NCKAP5: variants seen among roughly 807,000 people sequenced by gnomAD.
NCKAP5 encodes the protein nck-associated protein 5.
Under a neutral mutation model 167.0 loss-of-function variants are expected in NCKAP5, and 92 were observed. The observed-to-expected ratio is 0.55, with a 90% CI of 0.47 to 0.66. NCKAP5 has a LOEUF of 0.66. Among genes scored for constraint, NCKAP5 ranks in the 30% least tolerant of loss-of-function variants. NCKAP5 has a pLI of 0.00. For missense variants in NCKAP5, 2,378 were observed against 2,315.0 expected (o/e 1.03, Z -0.56); for synonymous variants, 891 against 877.4 (o/e 1.02, Z -0.27).
chr2:133,564,247 C>G (rs1169873332), intron 1 of NCKAP5, among the ~76,000 whole-genome samples: 1 of 152,172 alleles, frequency 6.6e-6, no homozygotes, highest in Non-Finnish European at 1.5e-5. Context: ...TTTGCTTGGA[C>G]AATGAATACA....
At chr2:133,218,164 T>G (rs2086511853) in intron 4 of NCKAP5, among the ~76,000 whole-genome samples, 1 of 152,110 alleles carries the variant, frequency 6.6e-6, no homozygotes, top group Admixed American at 6.6e-5. Context: ...TTAAAATATT[T>G]ATTAAATCAC....
At chr2:133,637,928 T>C in the NCKAP5 span, among the ~76,000 whole-genome samples, 1 of 152,064 alleles carries the variant, frequency 6.6e-6, no homozygotes, top group African/African-American at 2.4e-5. Context: ...CATAGCAACA[T>C]TACAGGTCAC....
intron 8 of NCKAP5, among the ~76,000 whole-genome samples, chr2:132,945,310 T>C (rs1363120061): frequency 1.3e-5 from 2 of 151,848 alleles, no homozygotes; most frequent in East Asian, 3.9e-4. Context: ...GGTGGGGAAA[T>C]GATCATAAGC....
chr2:133,113,599 CAG>C (rs2081984223), intron 6 of NCKAP5, among the ~76,000 whole-genome samples: 1 of 152,232 alleles, frequency 6.6e-6, no homozygotes, highest in African/African-American at 2.4e-5. Context: ...TATGCCCATG[CAG>C]AGTCTGTGCC....
At chr2:132,692,666 G>T (rs531864834) in intron 19 of NCKAP5, among the ~76,000 whole-genome samples, 16 of 151,894 alleles carry the variant, frequency 1.1e-4, no homozygotes, top group Non-Finnish European at 2.1e-4. Context: ...GTGGCACCAA[G>T]AAATAGTTGT....
chr2:132,688,774 C>T (rs1686310153), intron 19 of NCKAP5, among the ~76,000 whole-genome samples: 1 of 151,782 alleles, frequency 6.6e-6, no homozygotes, highest in East Asian at 1.9e-4. Flanking sequence ...TCGTTTCAGA[C>T]CAGGAGTTCG....
chr2:133,098,073 A>T (rs2081397131), intron 6 of NCKAP5, among the ~76,000 whole-genome samples: 1 of 152,240 alleles, frequency 6.6e-6, no homozygotes, highest in Non-Finnish European at 1.5e-5. Context: ...CCTCAAAGCA[A>T]ATATGCAGAA....
intron 3 of NCKAP5, among the ~76,000 whole-genome samples, chr2:133,305,380 A>G (rs1345322926): frequency 6.6e-6 from 1 of 152,208 alleles, no homozygotes; most frequent in Non-Finnish European, 1.5e-5. Context: ...AGAGGGATAA[A>G]TAATGCTTCA....
At chr2:133,129,908 C>T in intron 6 of NCKAP5, 70 bp downstream of exon 6, 1 of 1,453,878 alleles carries the variant, frequency 6.9e-7, no homozygotes, top group South Asian at 1.5e-5. Flanking sequence ...AATGGACATT[C>T]AATCCAAGGT....
chr2:133,646,860 G>A, the NCKAP5 span, among the ~76,000 whole-genome samples: 2 of 152,060 alleles, frequency 1.3e-5, no homozygotes, highest in Non-Finnish European at 2.9e-5. Flanking sequence ...AGAAGTCAAA[G>A]TACAGACTTT....
intron 8 of NCKAP5, among the ~76,000 whole-genome samples, chr2:132,932,337 T>G (rs191915004): frequency 9.1e-4 from 139 of 152,304 alleles, no homozygotes; most frequent in African/African-American, 3.2e-3. Flanking sequence ...TTTTTTTGTG[T>G]GTGGGTGTGT....
At chr2:133,180,710 G>T (rs1178623781) in intron 5 of NCKAP5, among the ~76,000 whole-genome samples, 1 of 152,050 alleles carries the variant, frequency 6.6e-6, no homozygotes, top group East Asian at 1.9e-4. Flanking sequence ...ACAGATTAAA[G>T]ATACAAATAT....
chr2:133,211,077 G>A (rs6721004), intron 5 of NCKAP5, among the ~76,000 whole-genome samples: 61,210 of 143,534 alleles, frequency 0.43, 14,001 homozygotes, highest in Non-Finnish European at 0.51. Flanking sequence ...AGCCCTGCCC[G>A]CATGCAGTCC....
intron 16 of NCKAP5, among the ~76,000 whole-genome samples, chr2:132,772,221 G>T (rs1221022580): frequency 6.6e-6 from 1 of 152,064 alleles, no homozygotes; most frequent in Non-Finnish European, 1.5e-5. Flanking sequence ...TGAAATTGCC[G>T]AATGACACAT....
chr2:133,649,545 C>T, the NCKAP5 span, among the ~76,000 whole-genome samples: 15 of 151,932 alleles, frequency 9.9e-5, no homozygotes, highest in East Asian at 3.9e-4. Context: ...CATAACCAAG[C>T]GGGATTTATT....
intron 5 of NCKAP5, among the ~76,000 whole-genome samples, chr2:133,152,714 A>G (rs73000841): frequency 0.03 from 4,609 of 152,298 alleles, 212 homozygotes; most frequent in African/African-American, 0.1. Context: ...GATTCCAAGT[A>G]TAGTCATGTG....
chr2:133,140,027 A>G (rs1181102376), intron 5 of NCKAP5, among the ~76,000 whole-genome samples: 1 of 152,174 alleles, frequency 6.6e-6, no homozygotes, highest in Non-Finnish European at 1.5e-5. Flanking sequence ...AAAGAGCTTT[A>G]TTTACTCAAC....
At chr2:133,378,688 A>T (rs1430512667) in intron 3 of NCKAP5, among the ~76,000 whole-genome samples, 1 of 152,218 alleles carries the variant, frequency 6.6e-6, no homozygotes, top group Non-Finnish European at 1.5e-5. Context: ...GAAAAGAAGG[A>T]AACCTTCCTC....
intron 8 of NCKAP5, among the ~76,000 whole-genome samples, chr2:132,937,143 C>T (rs571296702): frequency 1.6e-4 from 24 of 152,240 alleles, no homozygotes; most frequent in African/African-American, 5.5e-4. Context: ...CCCATAAATA[C>T]GTCAATGCCC....
Sources: allele counts gnomAD v4.1 joint callset (sites outside exome capture counted in the v4.1 genomes callset), GRCh38; gene constraint gnomAD v4.1.1; transcripts MANE v1.5; gene names NCBI Gene and HGNC (gene_info 2026-07-23, HGNC 2026-07-21).